Variants in CSTF3 observed in about 807,000 individuals in gnomAD.
CSTF3 encodes the protein cleavage stimulation factor subunit 3, also known as CF-1 77 kDa subunit.
A neutral mutation model predicts 105.8 loss-of-function variants in CSTF3; 29 were observed. The observed-to-expected ratio is 0.27, with a 90% CI of 0.20 to 0.37. The LOEUF (loss-of-function observed/expected upper bound fraction) is 0.37. Among genes scored for constraint, CSTF3 ranks in the 10% least tolerant of loss-of-function variants. The probability of loss-of-function intolerance (pLI) is 1.00; values close to 1 mark genes in which losing one functional copy is unlikely to be tolerated. For missense variants in CSTF3, 357 were observed against 879.3 expected (o/e 0.41, Z 7.51); for synonymous variants, 252 against 281.9 (o/e 0.89, Z 1.06).
chr11:33,112,673 A>G (rs1590270330), intron 3 of CSTF3, among the ~76,000 whole-genome samples: 1 of 151,960 alleles, frequency 6.6e-6, no homozygotes, highest in Non-Finnish European at 1.5e-5. Flanking sequence ...CCATCCCACC[A>G]TTTTCCTTCT....
At chr11:33,131,059 A>C (rs1307488125) in intron 3 of CSTF3, among the ~76,000 whole-genome samples, 1 of 152,174 alleles carries the variant, frequency 6.6e-6, no homozygotes, top group East Asian at 1.9e-4. Context: ...TGCTCTTATA[A>C]ATTTCTTAAA....
chr11:33,105,466 A>T, intron 8 of CSTF3, 101 bp downstream of exon 8: 2 of 1,125,204 alleles, frequency 1.8e-6, no homozygotes, highest in Non-Finnish European at 2.5e-6. Flanking sequence ...CAATAAAAAA[A>T]GTGTAACACT....
intron 3 of CSTF3, among the ~76,000 whole-genome samples, chr11:33,132,595 C>G (rs1855610552): frequency 6.6e-6 from 1 of 152,154 alleles, no homozygotes; most frequent in South Asian, 2.1e-4. Context: ...AATCTCCTAA[C>G]TATTCTGTCA....
At position 33,090,601 on chromosome 11, in the gene CSTF3, T is replaced by G. The variant is rs1431179501; in HGVS notation, c.1572A>C (p.Leu524=). ...EEYEGKETAL[L]VDRYKFMDLY... is the part of the protein sequence containing the mutation. ...AATCCATGAACTTGTATCTATCTAC[T>G]AGTAAAGCCGTTTCTTTCCCTTCAT... is the stretch of plus-strand genomic sequence containing the variant. Residue 524 remains leucine, a synonymous_variant, in exon 17 of 21, where the codon CTA becomes CTC. Coordinates refer to ENST00000323959, the MANE Select transcript of CSTF3 (RefSeq NM_001326.3). The G allele has an allele frequency of 1.2e-6, 2 of 1,611,142 alleles. No individual in the cohort carries two copies. Among genetic ancestry groups the G allele is most frequent in the Non-Finnish European group, 1.7e-6 (2 of 1,179,164 alleles).
At chr11:33,108,751 T>G (rs1855351010) in intron 3 of CSTF3, among the ~76,000 whole-genome samples, 1 of 152,166 alleles carries the variant, frequency 6.6e-6, no homozygotes, top group Non-Finnish European at 1.5e-5. Context: ...AAGAAAAACT[T>G]AAGGCTTTCC....
intron 1 of CSTF3, among the ~76,000 whole-genome samples, chr11:33,152,220 G>T (rs938108847): frequency 6.6e-6 from 1 of 152,056 alleles, no homozygotes; most frequent in Admixed American, 6.5e-5. Flanking sequence ...AGATTGTGCC[G>T]CTGCACTCCA....
chr11:33,156,999 G>A (rs937883579), intron 1 of CSTF3, among the ~76,000 whole-genome samples: 2 of 152,046 alleles, frequency 1.3e-5, no homozygotes, highest in Non-Finnish European at 2.9e-5. Context: ...CTTAAGAGTA[G>A]TGCACAAGGT....
At chr11:33,148,151 G>A (rs1855807310) in intron 1 of CSTF3, among the ~76,000 whole-genome samples, 1 of 152,112 alleles carries the variant, frequency 6.6e-6, no homozygotes, top group African/African-American at 2.4e-5. Flanking sequence ...CAACTGAAGA[G>A]CATAGAATCT....
chr11:33,084,900 G>C lies in CSTF3; in HGVS notation c.*187C>G, dbSNP rs758362223. The stretch of plus-strand genomic sequence containing the variant: ...AAACCTAATTTTGCTTAGAGCATAG[G>C]TCTGTTCCGTATTCTAAAATTCACA... On this transcript the variant is annotated 3_prime_UTR_variant, in exon 21 of 21. Transcript: ENST00000323959. 3.1e-5 allele frequency: 21 copies of C among 671,074 alleles called. 1 individual carries two copies. The South Asian group carries it at 3.7e-4, about 12-fold the overall frequency. 41.6% of individuals were successfully genotyped at this position (671,074 alleles called of 1,614,324 possible). A position where few individuals can be genotyped will look rare whatever the true frequency, so the allele number is the denominator to read the frequency against.
At chr11:33,091,065 C>A (rs931192996) in intron 16 of CSTF3, among the ~76,000 whole-genome samples, 29 of 152,094 alleles carry the variant, frequency 1.9e-4, no homozygotes, top group African/African-American at 6.7e-4. Flanking sequence ...ATGAGACTTA[C>A]CTTAGAGAGG....
At chr11:33,097,016 C>T (rs2133772828) in intron 13 of CSTF3, 38 bp from the exon 14 acceptor site, 1 of 1,485,158 alleles carries the variant, frequency 6.7e-7, no homozygotes, top group Middle Eastern at 2.0e-4. Context: ...ATAAATTAGA[C>T]AGTATGTTTC....
chr11:33,099,086 G>A lies in CSTF3; in HGVS notation c.1001C>T (p.Thr334Ile). ...AANIYERAIS[T>I]LLKKNMLLYF... ...AAGAAGCATATTCTTCTTCAATAAA[G>A]TGCTTATGGCTCTTTCATATATATT... is the stretch of plus-strand genomic sequence containing the variant. The change falls in exon 12 of 21, where the codon ACT becomes ATT. Residue 334 changes from threonine (T) to isoleucine (I), a missense_variant. Physicochemically the swap from Thr to Ile is moderately conservative, Grantham distance 89. This residue lies in a region of CSTF3 where 206 missense variants were observed against 576.5 expected (regional missense o/e 0.36). Transcript: ENST00000323959. This position sits in a 1 kb window ranked among gnomAD's most constrained non-coding sequence, Gnocchi z 4.1. The A allele has an allele frequency of 6.3e-7, 1 of 1,582,620 alleles. No individual in the cohort carries two copies. The highest frequency in any genetic ancestry group is 8.5e-7 in the Non-Finnish European group (1 of 1,173,262).
chr11:33,142,106 T>A lies in CSTF3; in HGVS notation c.28-120A>T. ...CACATTACAAAGCATAAAAATATCC[T>A]CTTATAAAAGAGAAGTGTGTTTCCT... On this transcript the variant is annotated intron_variant, in intron 1 of 20. Coordinates refer to ENST00000323959, the MANE Select transcript of CSTF3 (RefSeq NM_001326.3). 3.4e-6 allele frequency: 5 copies of A among 1,482,372 alleles called. No individual in the cohort carries two copies. The South Asian group carries it at 6.6e-5, about 20-fold the overall frequency. 91.8% of individuals were successfully genotyped at this position (1,482,372 alleles called of 1,614,324 possible). A position where few individuals can be genotyped will look rare whatever the true frequency, so the allele number is the denominator to read the frequency against.
At chr11:33,144,516 T>G (rs10836026) in intron 1 of CSTF3, among the ~76,000 whole-genome samples, 84,577 of 152,024 alleles carry the variant, frequency 0.56, 26,136 homozygotes, top group Non-Finnish European at 0.69. Context: ...ATGGTGAATT[T>G]TTCAATAAAT....
chr11:33,141,593 T>C, intron 3 of CSTF3, 74 bp downstream of exon 3: 15 of 1,507,556 alleles, frequency 9.9e-6, no homozygotes, highest in Non-Finnish European at 1.3e-5. Context: ...ATTGGCTATG[T>C]TCCTAACTTG....
intron 3 of CSTF3, among the ~76,000 whole-genome samples, chr11:33,121,536 T>G (rs1855489946): frequency 1.3e-5 from 2 of 152,190 alleles, no homozygotes; most frequent in African/African-American, 4.8e-5. Flanking sequence ...ATTTGTGATA[T>G]TTTCCAAAGT....
intron 1 of CSTF3, among the ~76,000 whole-genome samples, chr11:33,155,249 C>A (rs1967061): frequency 0.56 from 84,407 of 151,538 alleles, 26,088 homozygotes; most frequent in Non-Finnish European, 0.69. Flanking sequence ...CTATAGTCCC[C>A]GCTACTAGGG....
At chr11:33,129,288 C>T (rs1855574661) in intron 3 of CSTF3, among the ~76,000 whole-genome samples, 1 of 152,032 alleles carries the variant, frequency 6.6e-6, no homozygotes, top group Admixed American at 6.6e-5. Context: ...GACAGGGTGT[C>T]ACCAGGTTGG....
intron 6 of CSTF3, 21 bp downstream of exon 6, chr11:33,105,977 A>G (rs1204757032): frequency 1.3e-6 from 2 of 1,592,560 alleles, no homozygotes; most frequent in Non-Finnish European, 1.7e-6. Flanking sequence ...AAGTGCATAC[A>G]TTAAAAAGTT....
Sources: gnomAD v4.1 joint callset for allele counts (sites outside exome capture counted in the v4.1 genomes callset) on GRCh38, gnomAD v4.1.1 for gene constraint, gnomAD v4.1.1 regional missense constraint, Gnocchi (gnomAD v3.1) non-coding constraint, MANE v1.5 for transcripts, NCBI Gene and HGNC (gene_info 2026-07-23, HGNC 2026-07-21) for gene names.